The following ACSS3 variants were observed in gnomAD, a reference collection of about 807,000 sequenced individuals.
ACSS3 encodes acyl-CoA synthetase short-chain family member 3, mitochondrial.
ACSS3 carries 64 observed loss-of-function variants against 84.2 expected under a neutral mutation model. The observed-to-expected ratio is 0.76, with a 90% CI of 0.62 to 0.94. The LOEUF is 0.94. Among genes scored for constraint, ACSS3 ranks in the 40% least tolerant of loss-of-function variants. ACSS3 has a pLI of 0.00. For missense variants in ACSS3, 815 were observed against 867.6 expected (o/e 0.94, Z 0.76); for synonymous variants, 317 against 310.1 (o/e 1.02, Z -0.23).
chr12:81,097,764 TCACATTAA>T (rs1033850920), intron 1 of ACSS3, among the ~76,000 whole-genome samples: 3 of 152,144 alleles, frequency 2.0e-5, no homozygotes, highest in African/African-American at 4.8e-5. Flanking sequence ...ATGAACATTC[TCACATTAA>T]CACATTAACA....
intron 13 of ACSS3, among the ~76,000 whole-genome samples, chr12:81,252,604 T>A (rs1246174754): frequency 1.3e-5 from 2 of 149,562 alleles, no homozygotes; most frequent in Admixed American, 1.3e-4. Context: ...CCCGTCACCA[T>A]ATATATATAT....
intron 3 of ACSS3, among the ~76,000 whole-genome samples, chr12:81,138,133 G>A (rs939364533): frequency 3.3e-5 from 5 of 152,100 alleles, no homozygotes; most frequent in African/African-American, 1.2e-4. Context: ...AGGAATACAT[G>A]CAATACTTTG....
intron 1 of ACSS3, among the ~76,000 whole-genome samples, chr12:81,089,304 T>C (rs4842380): frequency 0.32 from 48,242 of 151,652 alleles, 7,988 homozygotes; most frequent in Admixed American, 0.44. Context: ...TTTCATTCTT[T>C]TTTATCTTGA....
rs145309773 is a variant in ACSS3 at position 81,196,760 on chromosome 12, T to C, written c.1251-2581T>C. The stretch of plus-strand genomic sequence containing the variant: ...GCTCAAGGAGAGCAGGCATCTCACA[T>C]AGCGAGAGAGGAAGCAAGAGGGAGG... On this transcript the variant is annotated intron_variant, in intron 8 of 15. Transcript: ENST00000548058. Among the ~76,000 whole-genome samples the C allele has an allele frequency of 5.5e-3, 835 of 152,186 alleles. 9 individuals carry two copies. Among genetic ancestry groups the C allele is most frequent in the African/African-American group, 0.016 (665 of 41,536 alleles).
At position 81,259,704 on chromosome 12, in the gene ACSS3, G is replaced by A; in HGVS notation, c.*4782G>A. 1 of 1,515,720 alleles carries A rather than the reference G, an allele frequency of 6.6e-7. No homozygotes were observed. The highest frequency in any genetic ancestry group is 8.9e-7 in the Non-Finnish European group (1 of 1,129,192). The allele number at this position is 1,515,720 out of a possible 1,614,324, so 93.9% of individuals were successfully genotyped here. On this transcript the variant is annotated 3_prime_UTR_variant, in exon 16 of 16. Coordinates refer to ENST00000548058, the MANE Select transcript of ACSS3 (RefSeq NM_024560.4). ...AGCATTAGTTCACTGAAAAGTCCCA[G>A]ACTGGGAAATCTCATTCTACTCCTC...
intron 13 of ACSS3, among the ~76,000 whole-genome samples, chr12:81,237,321 G>A (rs1023528155): frequency 6.6e-6 from 1 of 151,446 alleles, no homozygotes; most frequent in African/African-American, 2.4e-5. Context: ...AATTCATTAG[G>A]CAAATCACTA....
chr12:81,136,890 G>A (rs138385289), intron 3 of ACSS3, among the ~76,000 whole-genome samples: 639 of 151,432 alleles, frequency 4.2e-3, no homozygotes, highest in Admixed American at 8.4e-3. Context: ...GCAATATGAA[G>A]GGGAAAAAGG....
At chr12:81,098,151 A>AGTGTGTGTGTGT (rs1555243703) in intron 1 of ACSS3, among the ~76,000 whole-genome samples, 3 of 129,320 alleles carry the variant, frequency 2.3e-5, no homozygotes, top group African/African-American at 8.9e-5. Flanking sequence ...AGAGAGAGAG[A>AGTGTGTGTGTGT]GTGTGTGTGT....
At chr12:81,080,212 G>A (rs892541535) in intron 1 of ACSS3, among the ~76,000 whole-genome samples, 2 of 152,130 alleles carry the variant, frequency 1.3e-5, no homozygotes, top group African/African-American at 4.8e-5. Context: ...AGATTGGAGT[G>A]ATTCGAGAGG....
chr12:81,102,045 G>GCACACACACACA (rs68004924), intron 1 of ACSS3, among the ~76,000 whole-genome samples: 15 of 149,060 alleles, frequency 1.0e-4, no homozygotes, highest in African/African-American at 3.5e-4. Flanking sequence ...TTATGCACAC[G>GCACACACACACA]CACACACACA....
At chr12:81,179,000 C>T (rs1260220544) in intron 8 of ACSS3, among the ~76,000 whole-genome samples, 1 of 151,928 alleles carries the variant, frequency 6.6e-6, no homozygotes, top group Non-Finnish European at 1.5e-5. Flanking sequence ...TACAGATGTA[C>T]CACCATCTAA....
At position 81,081,116 on chromosome 12, in the gene ACSS3, A is replaced by G. The variant is rs1488017162; in HGVS notation, c.311+2685A>G. ...TAAGCTTGTCTGTTTGTTGTTCACA[A>G]AAGTAAACTCCCCTCAGAACCCACA... is the stretch of plus-strand genomic sequence containing the variant. On this transcript the variant is annotated intron_variant, in intron 1 of 15. Transcript: ENST00000548058. Among the ~76,000 whole-genome samples, 4 of 152,230 alleles carry G rather than the reference A, an allele frequency of 2.6e-5. No homozygotes were observed. In the East Asian group the frequency reaches 7.7e-4, roughly 29 times the overall value.
At chr12:81,128,903 CAT>C (rs1293487879) in intron 2 of ACSS3, among the ~76,000 whole-genome samples, 1 of 152,154 alleles carries the variant, frequency 6.6e-6, no homozygotes, top group Non-Finnish European at 1.5e-5. Context: ...ATTATGAACT[CAT>C]ATGTTTTCCC....
intron 2 of ACSS3, among the ~76,000 whole-genome samples, chr12:81,129,495 T>C (rs533833229): frequency 1.3e-5 from 2 of 152,280 alleles, no homozygotes; most frequent in East Asian, 3.9e-4. Context: ...GATCTAGATT[T>C]GTATGTGAAA....
chr12:81,212,674 T>A (rs899848628), intron 9 of ACSS3, among the ~76,000 whole-genome samples: 1 of 152,204 alleles, frequency 6.6e-6, no homozygotes, highest in Non-Finnish European at 1.5e-5. Flanking sequence ...CGACTCTTGG[T>A]ATATAGCATA....
chr12:81,098,151 A>AGAGAGAGAGTGTGTGT (rs369995298), intron 1 of ACSS3, among the ~76,000 whole-genome samples: 2 of 129,272 alleles, frequency 1.5e-5, no homozygotes, highest in Non-Finnish European at 3.3e-5. Flanking sequence ...AGAGAGAGAG[A>AGAGAGAGAGTGTGTGT]GTGTGTGTGT....
intron 9 of ACSS3, among the ~76,000 whole-genome samples, chr12:81,210,131 C>T (rs560337350): frequency 1.2e-4 from 18 of 152,296 alleles, no homozygotes; most frequent in Non-Finnish European, 2.4e-4. Context: ...TATTATTTTA[C>T]TCAGCCCCTA....
intron 11 of ACSS3, among the ~76,000 whole-genome samples, chr12:81,228,866 A>G (rs1263117148): frequency 2.6e-5 from 4 of 151,706 alleles, no homozygotes; most frequent in Admixed American, 2.6e-4. Context: ...AAAATGTTTG[A>G]TTTGGGGTAC....
intron 8 of ACSS3, among the ~76,000 whole-genome samples, chr12:81,192,632 G>T (rs2031631165): frequency 6.6e-6 from 1 of 152,036 alleles, no homozygotes; most frequent in Non-Finnish European, 1.5e-5. Context: ...TGAATACCTG[G>T]GTGTTTTATG....
Sources: gnomAD v4.1 joint callset for allele counts (sites outside exome capture counted in the v4.1 genomes callset) on GRCh38, gnomAD v4.1.1 for gene constraint, MANE v1.5 for transcripts, NCBI Gene and HGNC (gene_info 2026-07-23, HGNC 2026-07-21) for gene names.